The following WWP2 variants were observed in gnomAD, a reference collection of about 807,000 sequenced individuals.
WWP2 encodes the protein WW domain containing E3 ubiquitin protein ligase 2.
In WWP2, 57 loss-of-function variants were observed where a neutral mutation model predicts 121.0. The observed-to-expected ratio is 0.47, with a 90% CI of 0.38 to 0.59. The LOEUF (loss-of-function observed/expected upper bound fraction) is 0.59. Among genes scored for constraint, WWP2 ranks in the 20% least tolerant of loss-of-function variants. WWP2 has a pLI of 0.00. For synonymous variants in WWP2, 449 were observed against 441.3 expected (o/e 1.02, Z -0.22); for missense variants, 962 against 1,158.9 (o/e 0.83, Z 2.47).
rs886608466 is a variant in WWP2 at position 69,939,550 on chromosome 16, A to T, written c.2513+137A>T. On this transcript the variant is annotated intron_variant, in intron 23 of 23. Coordinates refer to ENST00000359154, the MANE Select transcript of WWP2 (RefSeq NM_001270454.2). ...GGCCCTGGGGTGTTGGGTTGGAGAG[A>T]TGGGGCTGTGATGGGCATCTGATCT... The T allele has an allele frequency of 5.8e-6, 5 of 859,900 alleles. No homozygotes were observed. The African/African-American group carries it at 8.5e-5, about 15-fold the overall frequency. The allele number at this position is 859,900 out of a possible 1,614,324, so 53.3% of individuals were successfully genotyped here.
At chr16:69,876,390 A>C (rs896182715) in intron 7 of WWP2, among the ~76,000 whole-genome samples, 4 of 145,266 alleles carry the variant, frequency 2.8e-5, no homozygotes, top group East Asian at 2.0e-4. Flanking sequence ...TTTGAGATGC[A>C]GTCTCACTCT....
intron 1 of WWP2, among the ~76,000 whole-genome samples, chr16:69,776,851 T>A (rs980757075): frequency 1.3e-5 from 2 of 151,124 alleles, no homozygotes; most frequent in African/African-American, 4.9e-5. Flanking sequence ...ATAAAAAAAA[T>A]TATAATAAAC....
intron 4 of WWP2, among the ~76,000 whole-genome samples, chr16:69,806,918 A>G (rs1027007869): frequency 6.0e-5 from 9 of 149,604 alleles, no homozygotes; most frequent in Middle Eastern, 3.4e-3. Flanking sequence ...CTTTTCTACT[A>G]TTTGCCCTAG....
At chr16:69,909,113 G>T in intron 9 of WWP2, 2 of 1,159,322 alleles carry the variant, frequency 1.7e-6, no homozygotes, top group Non-Finnish European at 2.1e-6. Context: ...CGTACCCTAT[G>T]CCCAGCCTGT....
intron 6 of WWP2, among the ~76,000 whole-genome samples, chr16:69,862,965 A>G (rs1227508577): frequency 6.6e-6 from 1 of 151,956 alleles, no homozygotes; most frequent in Non-Finnish European, 1.5e-5. Flanking sequence ...GGGCTCAAGC[A>G]GTCCTCCGCC....
chr16:69,773,656 A>G (rs1384569963), intron 1 of WWP2, among the ~76,000 whole-genome samples: 1 of 151,360 alleles, frequency 6.6e-6, no homozygotes, highest in African/African-American at 2.4e-5. Flanking sequence ...AATTTTTTGT[A>G]TTTTTTGTAG....
intron 2 of WWP2, among the ~76,000 whole-genome samples, chr16:69,796,360 G>C (rs889248664): frequency 6.6e-6 from 1 of 152,162 alleles, no homozygotes; most frequent in African/African-American, 2.4e-5. Flanking sequence ...AATCTGCCGA[G>C]CATCATAGCT....
intron 2 of WWP2, among the ~76,000 whole-genome samples, chr16:69,789,400 T>C (rs2055861043): frequency 6.6e-6 from 1 of 152,170 alleles, no homozygotes; most frequent in Non-Finnish European, 1.5e-5. Context: ...TGGCTACTTT[T>C]TGTATATTTA....
intron 9 of WWP2, among the ~76,000 whole-genome samples, chr16:69,914,983 C>T (rs2058458282): frequency 1.3e-5 from 2 of 152,114 alleles, no homozygotes; most frequent in African/African-American, 4.8e-5. Flanking sequence ...AACTTAACCC[C>T]GAGGCCATGG....
At chr16:69,891,630 G>A (rs766655077) in intron 8 of WWP2, among the ~76,000 whole-genome samples, 6 of 152,056 alleles carry the variant, frequency 3.9e-5, no homozygotes, top group African/African-American at 9.7e-5. Context: ...TTCATGATGC[G>A]TGCCCTGGTC....
chr16:69,787,766 G>C (rs2055824182), intron 2 of WWP2, among the ~76,000 whole-genome samples: 1 of 152,152 alleles, frequency 6.6e-6, no homozygotes, highest in Non-Finnish European at 1.5e-5. Context: ...ATAACCAGTA[G>C]CCAGTTTGTT....
intron 4 of WWP2, among the ~76,000 whole-genome samples, chr16:69,812,734 C>G (rs138123198): frequency 3.9e-5 from 6 of 152,208 alleles, no homozygotes; most frequent in Non-Finnish European, 7.4e-5. Context: ...GGCAGGAACA[C>G]CCAGGAGTGA....
chr16:69,940,601 C>G lies in WWP2; in HGVS notation c.*661C>G, dbSNP rs954930990. The G allele has an allele frequency of 6.6e-6, 1 of 152,392 alleles. No individual in the cohort carries two copies. The allele number at this position is 152,392 out of a possible 1,614,324, so 9.4% of individuals were successfully genotyped here. A position where few individuals can be genotyped will look rare whatever the true frequency, so the allele number is the denominator to read the frequency against. On this transcript the variant is annotated 3_prime_UTR_variant, in exon 24 of 24. Transcript: ENST00000359154. ...CCACGGGACAAAAACAGCAAACTCC[C>G]TCAGACTTTGTCCATGTATAAACTT...
At chr16:69,904,041 A>AT (rs1377081630) in intron 8 of WWP2, among the ~76,000 whole-genome samples, 2 of 152,252 alleles carry the variant, frequency 1.3e-5, no homozygotes, top group African/African-American at 4.8e-5. Context: ...AGCAGATGTT[A>AT]TAAAAGAGAG....
At chr16:69,933,796 G>T (rs528305730) in intron 16 of WWP2, among the ~76,000 whole-genome samples, 174 bp from the exon 17 acceptor site, 15 of 152,216 alleles carry the variant, frequency 9.9e-5, no homozygotes, top group African/African-American at 3.4e-4. Context: ...AGCCTGCCCT[G>T]TTCACTGACC....
At chr16:69,904,756 C>T (rs1240640671) in intron 8 of WWP2, among the ~76,000 whole-genome samples, 1 of 152,126 alleles carries the variant, frequency 6.6e-6, no homozygotes, top group Non-Finnish European at 1.5e-5. Context: ...CTCCCTTTTG[C>T]AGTGGGAGGA....
chr16:69,828,196 C>T (rs2056736702), intron 4 of WWP2, among the ~76,000 whole-genome samples: 1 of 151,966 alleles, frequency 6.6e-6, no homozygotes, highest in East Asian at 1.9e-4. Flanking sequence ...GAAATGAGGA[C>T]ATGAGTGCCC....
intron 4 of WWP2, among the ~76,000 whole-genome samples, chr16:69,820,825 TACACACACAC>T (rs34214656): frequency 2.1e-5 from 3 of 144,066 alleles, no homozygotes; most frequent in African/African-American, 5.0e-5. Context: ...TACATGCATA[TACACACACAC>T]ACACACACAC....
At chr16:69,869,431 G>A (rs913816990) in intron 6 of WWP2, among the ~76,000 whole-genome samples, 1 of 147,180 alleles carries the variant, frequency 6.8e-6, no homozygotes. Flanking sequence ...CTTTTGCCAC[G>A]CTCTCAGGCT....
Sources: allele counts gnomAD v4.1 joint callset (sites outside exome capture counted in the v4.1 genomes callset), GRCh38; gene constraint gnomAD v4.1.1; transcripts MANE v1.5; gene names NCBI Gene and HGNC (gene_info 2026-07-23, HGNC 2026-07-21).